Variants in PDE8B observed in about 807,000 individuals in gnomAD.
PDE8B encodes the protein high affinity cAMP-specific and IBMX-insensitive 3',5'-cyclic phosphodiesterase 8B.
PDE8B carries 26 observed loss-of-function variants against 101.3 expected under a neutral mutation model. The ratio of observed to expected loss-of-function variants is 0.26; its 90% CI spans 0.19 to 0.36. PDE8B has a LOEUF of 0.36. PDE8B is among the 10% of genes least tolerant of loss of function. PDE8B has a pLI of 1.00. For synonymous variants in PDE8B, 424 were observed against 429.3 expected (o/e 0.99, Z 0.15); for missense variants, 810 against 1,163.1 (o/e 0.70, Z 4.42).
rs568901909 is a variant in PDE8B, at chr5:77,330,626, C to T, written c.651-776C>T. On this transcript the variant is annotated intron_variant, in intron 4 of 21. Coordinates refer to ENST00000264917, the MANE Select transcript of PDE8B (RefSeq NM_003719.5). ...ATGCCACAAGTCAGCACTGGGACTT[C>T]TGTTCCTGTTTTCTATCTGCGTTTC... Among the ~76,000 whole-genome samples, 7 of 152,320 alleles carry T rather than the reference C, an allele frequency of 4.6e-5. No individual in the cohort carries two copies. In the East Asian group the frequency reaches 1.2e-3, roughly 25 times the overall value.
intron 1 of PDE8B, among the ~76,000 whole-genome samples, chr5:77,289,749 A>G (rs1350579887): frequency 6.6e-6 from 1 of 152,258 alleles, no homozygotes. Flanking sequence ...TGTCTGGAAC[A>G]GCATTTTGTA....
chr5:77,405,158 G>C (rs192074862), intron 12 of PDE8B, among the ~76,000 whole-genome samples: 1 of 152,302 alleles, frequency 6.6e-6, no homozygotes, highest in East Asian at 1.9e-4. Flanking sequence ...CACAAACCTA[G>C]TTTTCAGTGT....
intron 10 of PDE8B, among the ~76,000 whole-genome samples, chr5:77,375,022 G>A (rs1299723142): frequency 6.6e-6 from 1 of 152,140 alleles, no homozygotes; most frequent in East Asian, 1.9e-4. Flanking sequence ...CATTGTTAAT[G>A]TGGATTTTAG....
At chr5:77,207,970 G>T (rs1024405289), upstream of PDE8B, among the ~76,000 whole-genome samples, 2 of 152,166 alleles carry the variant, frequency 1.3e-5, no homozygotes, top group Admixed American at 6.5e-5. Context: ...TTCCAACAAA[G>T]AAGTTGCAGT....
chr5:77,311,790 T>C (rs948418721), intron 1 of PDE8B, among the ~76,000 whole-genome samples: 9 of 130,140 alleles, frequency 6.9e-5, no homozygotes, highest in South Asian at 2.7e-4. Flanking sequence ...TTCCAATGCA[T>C]ATAAATGGAT....
chr5:77,332,896 A>T (rs1159808541), intron 5 of PDE8B, among the ~76,000 whole-genome samples: 1 of 151,866 alleles, frequency 6.6e-6, no homozygotes, highest in African/African-American at 2.4e-5. Flanking sequence ...TGTATTTCTT[A>T]AAAAATAGGG....
At chr5:77,142,298 T>G in the PDE8B span, 1 of 152,218 alleles carries the variant, frequency 6.6e-6, no homozygotes, top group Non-Finnish European at 1.5e-5. Flanking sequence ...GCATTTCTCT[T>G]TTTTACAACT....
At chr5:77,367,631 A>G (rs1039929659) in intron 10 of PDE8B, among the ~76,000 whole-genome samples, 4 of 150,694 alleles carry the variant, frequency 2.7e-5, no homozygotes, top group African/African-American at 9.8e-5. Flanking sequence ...CCCGGGTTCA[A>G]GCGATTCTCC....
intron 1 of PDE8B, among the ~76,000 whole-genome samples, chr5:77,253,545 G>T (rs1054490325): frequency 6.6e-5 from 10 of 152,132 alleles, no homozygotes; most frequent in Admixed American, 5.9e-4. Context: ...AGATGACTGC[G>T]CCTATAGATT....
the PDE8B span, among the ~76,000 whole-genome samples, chr5:77,204,200 AG>A: frequency 3.3e-5 from 5 of 151,942 alleles, no homozygotes; most frequent in Non-Finnish European, 5.9e-5. Context: ...ACCTGAGGTC[AG>A]GAGTTCAAGA....
At chr5:77,118,754 C>T in the PDE8B span, 2 of 175,956 alleles carry the variant, frequency 1.1e-5, no homozygotes, top group Non-Finnish European at 2.4e-5. Flanking sequence ...ATCCCTCCCA[C>T]AGACATTGTG....
At chr5:77,096,278 C>T in the PDE8B span, among the ~76,000 whole-genome samples, 3 of 152,170 alleles carry the variant, frequency 2.0e-5, no homozygotes, top group African/African-American at 4.8e-5. Context: ...CATGAGCCAC[C>T]GCGCTGAGCA....
Position 77,211,678 on chromosome 5 carries a change from G to T in PDE8B, c.339+414G>T, listed in dbSNP as rs964763762. Among the ~76,000 whole-genome samples, 2 of 152,312 alleles carry T rather than the reference G, an allele frequency of 1.3e-5. No individual in the cohort carries two copies. The highest frequency in any genetic ancestry group is 3.9e-4 in the East Asian group (2 of 5,192). The stretch of plus-strand genomic sequence containing the variant: ...GATTTGCGTGCCTTGTAGGTGACTG[G>T]TGCAGTTGCAGCACCAGGATAGATA... On this transcript the variant is annotated intron_variant, in intron 1 of 21. Transcript: ENST00000264917. This position sits in a 1 kb window ranked among gnomAD's most constrained non-coding sequence, Gnocchi z 4.1.
the PDE8B span, among the ~76,000 whole-genome samples, chr5:77,160,124 A>G: frequency 2.0e-5 from 3 of 152,192 alleles, no homozygotes; most frequent in Admixed American, 6.5e-5. Flanking sequence ...AGGAGTTTGC[A>G]TATATACTGA....
chr5:77,178,373 TAA>T, the PDE8B span, among the ~76,000 whole-genome samples: 1 of 152,252 alleles, frequency 6.6e-6, no homozygotes, highest in Non-Finnish European at 1.5e-5. Context: ...CAGACTTTAT[TAA>T]AGTTATTCTT....
chr5:77,334,123 C>A (rs1777665165), intron 5 of PDE8B, among the ~76,000 whole-genome samples: 1 of 152,262 alleles, frequency 6.6e-6, no homozygotes, highest in Non-Finnish European at 1.5e-5. Context: ...CAACTCTCTT[C>A]CCAAGCACCT....
At chr5:77,423,260 AATG>A (rs1373360365) in intron 20 of PDE8B, among the ~76,000 whole-genome samples, 2 of 152,182 alleles carry the variant, frequency 1.3e-5, no homozygotes, top group Admixed American at 1.3e-4. Flanking sequence ...CCAGTCCACC[AATG>A]ATGGGCACCT....
At chr5:77,099,867 C>A in the PDE8B span, among the ~76,000 whole-genome samples, 1 of 152,276 alleles carries the variant, frequency 6.6e-6, no homozygotes, top group East Asian at 1.9e-4. Flanking sequence ...GCCTCAGCCT[C>A]CCAAAGTGCG....
chr5:77,132,845 G>A, the PDE8B span, among the ~76,000 whole-genome samples: 2 of 152,212 alleles, frequency 1.3e-5, no homozygotes, highest in Non-Finnish European at 1.5e-5. Context: ...GACTCTACAT[G>A]TGCATATCTC....
Sources: allele counts gnomAD v4.1 joint callset (sites outside exome capture counted in the v4.1 genomes callset), GRCh38; gene constraint gnomAD v4.1.1; non-coding constraint Gnocchi (gnomAD v3.1); transcripts MANE v1.5; gene names NCBI Gene and HGNC (gene_info 2026-07-23, HGNC 2026-07-21).